The following GPAA1 variants were observed in gnomAD, a reference collection of about 807,000 sequenced individuals.
GPAA1 encodes GPI-anchor transamidase component GPAA1.
In GPAA1, 54 loss-of-function variants were observed where a neutral mutation model predicts 64.0. The ratio of observed to expected loss-of-function variants is 0.84; its 90% CI spans 0.68 to 1.06. GPAA1 has a LOEUF of 1.06. Among genes scored for constraint, GPAA1 ranks in the 50% least tolerant of loss-of-function variants. The probability of loss-of-function intolerance (pLI) is 0.00; values close to 1 mark genes in which losing one functional copy is unlikely to be tolerated. For synonymous variants in GPAA1, 393 were observed against 377.3 expected (o/e 1.04, Z -0.48); for missense variants, 780 against 822.3 (o/e 0.95, Z 0.63).
intron 7 of GPAA1, 26 bp from the exon 8 acceptor site, chr8:144,084,696 C>T (rs781995152): frequency 1.2e-6 from 2 of 1,612,096 alleles, no homozygotes; most frequent in Middle Eastern, 1.7e-4. Flanking sequence ...CTCTGGCCAG[C>T]CGTGAACCTG....
At chr8:144,083,558 G>A in intron 3 of GPAA1, 58 bp downstream of exon 3, 3 of 1,477,576 alleles carry the variant, frequency 2.0e-6, no homozygotes, top group Non-Finnish European at 2.8e-6. Flanking sequence ...GAGGGGTCTG[G>A]GCTGGGTATC....
At chr8:144,084,676 G>A (rs782230766) in intron 7 of GPAA1, 46 bp from the exon 8 acceptor site, 1 of 1,609,556 alleles carries the variant, frequency 6.2e-7, no homozygotes, top group East Asian at 2.2e-5. Context: ...AGTGGGGGAT[G>A]GCCTGGTGGC....
Position 144,085,564 on chromosome 8 carries a change from G to C in GPAA1, c.1452-9G>C, listed in dbSNP as rs782071116. ...CTTGTGGGTTGCCTCTGAGTCCTTT[G>C]TCTTACAGGGTGGTAAGCACACAGG... On this transcript the variant is annotated splice_polypyrimidine_tract_variant and intron_variant, in intron 10 of 11. Transcript: ENST00000355091. 8 of 1,612,482 alleles carry C rather than the reference G, an allele frequency of 5.0e-6. No individual in the cohort carries two copies. The highest frequency in any genetic ancestry group is 5.9e-6 in the Non-Finnish European group (7 of 1,179,472).
At position 144,084,848 on chromosome 8, in the gene GPAA1, C is replaced by G; in HGVS notation, c.1137C>G (p.Gly379=). The G allele has an allele frequency of 6.2e-7, 1 of 1,613,656 alleles. No individual in the cohort carries two copies. Among genetic ancestry groups the G allele is most frequent in the South Asian group, 1.1e-5 (1 of 91,086 alleles). The change falls in exon 8 of 12, where the codon GGC becomes GGG. Residue 379 remains glycine, a synonymous_variant. Transcript: ENST00000355091. ...TCGGCCTCTACATGCCCGCTGTCGG[C>G]TTCTTGCTCCTGGTCCTTGGTCTCA... ...VSIGLYMPAV[G]FLLLVLGLKA...
Position 144,082,647 on chromosome 8 carries a change from C to A in GPAA1, c.-84C>A. ...GGAAGTGCGGGCGAGCGCGGGTCCC[C>A]GGGTCTGACAGGAGCAGCCTGTGGG... On this transcript the variant is annotated 5_prime_UTR_variant, in exon 1 of 12. Transcript: ENST00000355091. 9.9e-7 allele frequency: 1 copy of A among 1,013,592 alleles called. No individual in the cohort carries two copies. Among genetic ancestry groups the A allele is most frequent in the South Asian group, 2.2e-5 (1 of 45,560 alleles). The allele number at this position is 1,013,592 out of a possible 1,614,324, so 62.8% of individuals were successfully genotyped here.
intron 9 of GPAA1, 54 bp from the exon 10 acceptor site, chr8:144,085,234 CT>C: frequency 6.6e-7 from 1 of 1,520,926 alleles, no homozygotes. Flanking sequence ...TGGTGGTGGT[CT>C]TTGGGGATCC....
Position 144,083,759 on chromosome 8 carries a change from G to A in GPAA1, c.412G>A (p.Ala138Thr). The A allele has an allele frequency of 6.2e-7, 1 of 1,605,976 alleles. No individual in the cohort carries two copies. Among genetic ancestry groups the A allele is most frequent in the Non-Finnish European group, 8.5e-7 (1 of 1,179,824 alleles). The change falls in exon 4 of 12, where the codon GCT becomes ACT. Residue 138 changes from alanine (A) to threonine (T), a missense_variant. By Grantham distance (58) the Ala-to-Thr change is moderately conservative (BLOSUM62 0). Coordinates refer to ENST00000355091, the MANE Select transcript of GPAA1 (RefSeq NM_003801.4). ...GTACGGCATCCTGCGGGCCCCGCGT[G>A]CTGCCAGCACCGAGTCGCTTGTGCT... ...NVYGILRAPR[A>T]ASTESLVLTV...
At position 144,086,075 on chromosome 8, in the gene GPAA1, G is replaced by A. The variant is rs1224658619; in HGVS notation, c.1816G>A (p.Gly606Ser). Residue 606 changes from glycine to serine, a missense_variant, in exon 12 of 12, where the codon GGC becomes AGC. Physicochemically the swap from Gly to Ser is moderately conservative, Grantham distance 56. Transcript: ENST00000355091. ...CCTGCTCTTCCCACTGCTGTCCCTG[G>A]GCCTCTACCCCTGCTGGCTGCTTTT... ...GALLFPLLSL[G>S]LYPCWLLFWN... 1.2e-6 allele frequency: 2 copies of A among 1,613,616 alleles called. No homozygotes were observed. Among genetic ancestry groups the A allele is most frequent in the Non-Finnish European group, 1.7e-6 (2 of 1,179,980 alleles).
At chr8:144,083,691 C>T (rs782055077) in intron 3 of GPAA1, 23 bp from the exon 4 acceptor site, 10 of 1,587,652 alleles carry the variant, frequency 6.3e-6, no homozygotes, top group South Asian at 4.5e-5. Flanking sequence ...CACTGAGGCT[C>T]CCCCCACCGA....
At position 144,086,210 on chromosome 8, in the gene GPAA1, G is replaced by T; in HGVS notation, c.*85G>T. On this transcript the variant is annotated 3_prime_UTR_variant, in exon 12 of 12. Transcript: ENST00000355091. ...GGGAAATAAATGAGTGTCTGTTTCA[G>T]CAGCTATTTGAGCTCCTGGCCCGCT... 6.8e-7 allele frequency: 1 copy of T among 1,461,262 alleles called. No homozygotes were observed. The highest frequency in any genetic ancestry group is 9.4e-7 in the Non-Finnish European group (1 of 1,068,818). 90.5% of individuals were successfully genotyped at this position (1,461,262 alleles called of 1,614,324 possible).
At position 144,083,934 on chromosome 8, in the gene GPAA1, T is replaced by G. The variant is rs1835950507; in HGVS notation, c.515-5T>G. 6.2e-7 allele frequency: 1 copy of G among 1,613,362 alleles called. No individual in the cohort carries two copies. Among genetic ancestry groups the G allele is most frequent in the South Asian group, 1.1e-5 (1 of 91,068 alleles). On this transcript the variant is annotated splice_polypyrimidine_tract_variant and splice_region_variant and intron_variant, in intron 4 of 11. Coordinates refer to ENST00000355091, the MANE Select transcript of GPAA1 (RefSeq NM_003801.4). ...GACCCTGCTGATCCTGCTTCTGGCC[T>G]CCAGGGCAGATTTATTGGGCCAAAG...
In GPAA1 at chr8:144,084,236, A is replaced by G. The variant is rs922800309; in HGVS notation, c.719A>G (p.Glu240Gly). ...DVVTSLDVAV[E>G]GLNGQLPNLD... ...GTCACCAGCCTCGATGTGGCCGTGGAGGGGCTTAACGGGCAGCTGCCCAAC... is the reference window on the plus strand; with the variant it reads ...GTCACCAGCCTCGATGTGGCCGTGGGGGGGCTTAACGGGCAGCTGCCCAAC... The change falls in exon 6 of 12, where the codon GAG (glutamate) becomes GGG (glycine). Residue 240 changes from glutamate to glycine, a missense_variant. Coordinates refer to ENST00000355091, the MANE Select transcript of GPAA1 (RefSeq NM_003801.4). 2.5e-6 allele frequency: 4 copies of G among 1,613,618 alleles called. No homozygotes were observed. The highest frequency in any genetic ancestry group is 1.3e-5 in the African/African-American group (1 of 74,910).
intron 11 of GPAA1, 67 bp downstream of exon 11, chr8:144,085,810 G>T (rs1445406476): frequency 1.7e-5 from 28 of 1,600,370 alleles, no homozygotes; most frequent in Non-Finnish European, 2.4e-5. Flanking sequence ...CCCTCATTCA[G>T]TAGCCCTTTC....
At chr8:144,083,885 T>C (rs1554763930) in intron 4 of GPAA1, 24 bp downstream of exon 4, 1 of 1,613,234 alleles carries the variant, frequency 6.2e-7, no homozygotes. Context: ...CTGCTGGCCG[T>C]GGAGGGGTTT....
At chr8:144,083,032 C>T (rs953892301) in intron 1 of GPAA1, 92 bp from the exon 2 acceptor site, 8 of 1,234,512 alleles carry the variant, frequency 6.5e-6, no homozygotes, top group South Asian at 4.0e-5. Flanking sequence ...CTCCCAGACC[C>T]GCGCGATCGA....
At position 144,083,229 on chromosome 8, in the gene GPAA1, G is replaced by A. The variant is rs1355575169; in HGVS notation, c.180G>A (p.Val60=). The stretch of plus-strand genomic sequence containing the variant: ...AGAACGCCATGGGCTCCACCATGGT[G>A]GAGGAGCAGTTTGCGGGCGGAGACC... The part of the protein sequence containing the change: ...MSENAMGSTM[V]EEQFAGGDRA... The change falls in exon 2 of 12, where the codon GTG becomes GTA. Residue 60 remains valine, a synonymous_variant. Transcript: ENST00000355091. 6.2e-7 allele frequency: 1 copy of A among 1,609,804 alleles called. No homozygotes were observed. Among genetic ancestry groups the A allele is most frequent in the South Asian group, 1.1e-5 (1 of 90,948 alleles).
rs1835931684 is a variant in GPAA1, at chr8:144,082,870, C to G, written c.74+66C>G. 8.1e-6 allele frequency: 10 copies of G among 1,242,068 alleles called. No individual in the cohort carries two copies. In the Admixed American group the frequency reaches 1.5e-4, roughly 19 times the overall value. The allele number at this position is 1,242,068 out of a possible 1,614,324, so 76.9% of individuals were successfully genotyped here. A position where few individuals can be genotyped will look rare whatever the true frequency, so the allele number is the denominator to read the frequency against. On this transcript the variant is annotated intron_variant, in intron 1 of 11. Transcript: ENST00000355091. ...GGGCTCGCGCCGGCGGCCCCATGCGCGGTCCCCATCGAGGGCCGGGGCCGC... is the reference window on the plus strand; with the variant it reads ...GGGCTCGCGCCGGCGGCCCCATGCGGGGTCCCCATCGAGGGCCGGGGCCGC...
Position 144,084,537 on chromosome 8 carries a change from G to A in GPAA1, c.938G>A (p.Arg313His), listed in dbSNP as rs782573890. ...TCCCATGGCCTCTTCCTGCGCTACC[G>A]TGTGGAGGCCCTAACCCTGCGTGGC... The part of the protein sequence containing the change: ...HGSHGLFLRY[R>H]VEALTLRGIN... Residue 313 changes from arginine to histidine, a missense_variant, in exon 7 of 12, where the codon CGT becomes CAT. Transcript: ENST00000355091. 8.7e-6 allele frequency: 14 copies of A among 1,613,780 alleles called. No individual in the cohort carries two copies. The highest frequency in any genetic ancestry group is 6.7e-5 in the African/African-American group (5 of 74,936).
rs372934708 is a variant in GPAA1 at position 144,083,771 on chromosome 8, G to C, written c.424G>C (p.Glu142Gln). Residue 142 changes from glutamate (E) to glutamine (Q), a missense_variant, in exon 4 of 12, where the codon GAG (glutamate) becomes CAG (glutamine). Coordinates refer to ENST00000355091, the MANE Select transcript of GPAA1 (RefSeq NM_003801.4). ...ILRAPRAAST[E>Q]SLVLTVPCGS... is the part of the protein sequence containing the mutation. ...GCGGGCCCCGCGTGCTGCCAGCACC[G>C]AGTCGCTTGTGCTCACCGTGCCCTG... 15 of 1,606,842 alleles carry C rather than the reference G, an allele frequency of 9.3e-6. No homozygotes were observed. The highest frequency in any genetic ancestry group is 1.3e-5 in the African/African-American group (1 of 74,944).
Sources: gnomAD v4.1 joint callset for allele counts on GRCh38, gnomAD v4.1.1 for gene constraint, MANE v1.5 for transcripts, NCBI Gene and HGNC (gene_info 2026-07-23, HGNC 2026-07-21) for gene names.